The following IGSF23 variants were observed in gnomAD, a reference collection of about 807,000 sequenced individuals.
IGSF23 encodes immunoglobulin superfamily, member 23.
A neutral mutation model predicts 17.8 loss-of-function variants in IGSF23; 14 were observed. That is an observed-to-expected ratio of 0.79 (90% CI 0.52 to 1.23). IGSF23 has a LOEUF of 1.23. Ranked by LOEUF, IGSF23 falls within the 50% of genes most tolerant of loss-of-function variation. IGSF23 has a pLI of 0.00. For synonymous variants in IGSF23, 85 were observed against 92.5 expected (o/e 0.92, Z 0.46); for missense variants, 214 against 241.7 (o/e 0.89, Z 0.76).
At position 44,635,013 on chromosome 19, in the gene IGSF23, G is replaced by C. The variant is rs186183771; in HGVS notation, c.546-388G>C. On this transcript the variant is annotated intron_variant, in intron 3 of 4. Transcript: ENST00000402988. ...TAACAAAAATGCTACAGACCGGGGG[G>C]GCTTAAACAACAAAAATTTATTTTC... Among the ~76,000 whole-genome samples, 6 of 152,108 alleles carry C rather than the reference G, an allele frequency of 3.9e-5. No homozygotes were observed. The East Asian group carries it at 7.7e-4, about 20-fold the overall frequency.
chr19:44,618,240 G>A (rs200692622), intron 1 of IGSF23: 15 of 469,706 alleles, frequency 3.2e-5, no homozygotes, highest in Non-Finnish European at 6.2e-5. Flanking sequence ...CCAGCCAGCA[G>A]CCATGATATT....
At chr19:44,631,998 G>A (rs1490348362) in intron 3 of IGSF23, among the ~76,000 whole-genome samples, 1 of 152,184 alleles carries the variant, frequency 6.6e-6, no homozygotes, top group Non-Finnish European at 1.5e-5. Flanking sequence ...GCCTGTTGGT[G>A]CAATTTAAGC....
intron 3 of IGSF23, among the ~76,000 whole-genome samples, chr19:44,631,494 A>G (rs1460160011): frequency 6.6e-6 from 1 of 152,202 alleles, no homozygotes; most frequent in Non-Finnish European, 1.5e-5. Flanking sequence ...AGGCTGAGGC[A>G]GGAGAATCAT....
rs1972891948 is a variant in IGSF23 at position 44,636,511 on chromosome 19, A to C, written c.*124A>C. 1 of 152,202 alleles carries C rather than the reference A, an allele frequency of 6.6e-6. No individual in the cohort carries two copies. The highest frequency in any genetic ancestry group is 1.5e-5 in the Non-Finnish European group (1 of 68,044). 9.4% of individuals were successfully genotyped at this position (152,202 alleles called of 1,614,324 possible). A position where few individuals can be genotyped will look rare whatever the true frequency, so the allele number is the denominator to read the frequency against. On this transcript the variant is annotated 3_prime_UTR_variant, in exon 5 of 5. Transcript: ENST00000402988. ...CATCTCTGTTCAAGGGAACAACCCA[A>C]CGTAACCAGACTCCCTTTGCCCTGT...
chr19:44,621,155 C>T (rs564867029), intron 1 of IGSF23, among the ~76,000 whole-genome samples: 7 of 151,646 alleles, frequency 4.6e-5, no homozygotes, highest in Admixed American at 2.6e-4. Context: ...TGGTGATGTG[C>T]GCCCATAGTC....
intron 4 of IGSF23, 128 bp downstream of exon 4, chr19:44,635,593 C>A: frequency 1.6e-6 from 1 of 628,600 alleles, no homozygotes; most frequent in Non-Finnish European, 2.7e-6. Flanking sequence ...TGTTCCCCTC[C>A]TGTGGAGAGC....
chr19:44,624,185 T>C (rs181113319), intron 2 of IGSF23, among the ~76,000 whole-genome samples: 1 of 152,180 alleles, frequency 6.6e-6, no homozygotes, highest in East Asian at 1.9e-4. Flanking sequence ...CTCTTCTTCT[T>C]CTTTTCTTTC....
Position 44,635,411 on chromosome 19 carries a change from C to G in IGSF23, c.556C>G (p.Gln186Glu), listed in dbSNP as rs777533879. Residue 186 changes from glutamine to glutamate, a missense_variant, in exon 4 of 5, where the codon CAG becomes GAG. By Grantham distance (29) the Gln-to-Glu change is conservative (BLOSUM62 2). Coordinates refer to ENST00000402988, the MANE Select transcript of IGSF23 (RefSeq NM_001205280.2). Reference protein sequence around the residue: ...IIIQSLRTDRQRIGICS With the variant: ...IIIQSLRTDRERIGICS ...CTCTCTCCACTGCAGGACTGACAGG[C>G]AGAGAATAGGAATATGCAGCTGAAA... The G allele has an allele frequency of 1.5e-4, 228 of 1,547,458 alleles. No homozygotes were observed. Among genetic ancestry groups the G allele is most frequent in the Non-Finnish European group, 2.0e-4 (225 of 1,145,328 alleles).
At chr19:44,616,357 T>C (rs886661813) in intron 1 of IGSF23, among the ~76,000 whole-genome samples, 1 of 152,216 alleles carries the variant, frequency 6.6e-6, no homozygotes, top group African/African-American at 2.4e-5. Flanking sequence ...TTGTTTTTTG[T>C]GATGCCTTGT....
At chr19:44,631,892 G>A (rs113814664) in intron 3 of IGSF23, among the ~76,000 whole-genome samples, 4,744 of 152,292 alleles carry the variant, frequency 0.031, 266 homozygotes, top group African/African-American at 0.11. Flanking sequence ...ACCTTCCAGC[G>A]TGGGCGTCAT....
In IGSF23 at chr19:44,623,877, G is replaced by C; in HGVS notation, c.296G>C (p.Arg99Pro). The C allele has an allele frequency of 1.3e-6, 2 of 1,550,840 alleles. No homozygotes were observed. Among genetic ancestry groups the C allele is most frequent in the Non-Finnish European group, 8.7e-7 (1 of 1,147,048 alleles). ...PCGMGEKLFI[R>P]RLSCEQLGTY... ...GGGATGGGAGAGAAGCTGTTCATCC[G>C]ACGGTTGTCCTGTGAGCAGCTGGGC... The change falls in exon 2 of 5, where the codon CGA becomes CCA. Residue 99 changes from arginine to proline, a missense_variant. Physicochemically the swap from Arg to Pro is moderately radical, Grantham distance 103 (BLOSUM62 -2). Coordinates refer to ENST00000402988, the MANE Select transcript of IGSF23 (RefSeq NM_001205280.2).
Position 44,623,766 on chromosome 19 carries a change from A to G in IGSF23, c.185A>G (p.Glu62Gly). The G allele has an allele frequency of 6.4e-7, 1 of 1,551,066 alleles. No individual in the cohort carries two copies. The highest frequency in any genetic ancestry group is 8.7e-7 in the Non-Finnish European group (1 of 1,147,094). The change falls in exon 2 of 5, where the codon GAG becomes GGG. Residue 62 changes from glutamate to glycine, a missense_variant. Glu to Gly is a moderately conservative substitution (Grantham distance 98, BLOSUM62 -2). Transcript: ENST00000402988. The stretch of plus-strand genomic sequence containing the variant: ...GCTATCCGGGGAGTCATCCAGAGTG[A>G]GCTCAACTATTCTGTGATCCTGCAG... ...PAAIRGVIQSELNYSVILQWV... is the reference protein window; with the variant it reads ...PAAIRGVIQSGLNYSVILQWV...
At position 44,623,936 on chromosome 19, in the gene IGSF23, C is replaced by T. The variant is rs1011864795; in HGVS notation, c.355C>T (p.Gln119Ter). The change falls in exon 2 of 5, where the codon CAG becomes TAG. Residue 119 changes from glutamine (Q) to a stop codon, truncating the protein, a stop_gained. Coordinates refer to ENST00000402988, the MANE Select transcript of IGSF23 (RefSeq NM_001205280.2). LOFTEE classifies it high-confidence loss of function. ...GTGCATAGCCACAAACAGCAAGAAA[C>T]AGCTGGTCTCTGAGCCTGTAACCAT... ...YMCIATNSKK[Q>*]LVSEPVTISL... The T allele has an allele frequency of 1.3e-6, 2 of 1,550,748 alleles. No individual in the cohort carries two copies. The highest frequency in any genetic ancestry group is 8.7e-7 in the Non-Finnish European group (1 of 1,147,034).
At chr19:44,614,627 T>A (rs1167866959) in intron 1 of IGSF23, among the ~76,000 whole-genome samples, 2 of 152,048 alleles carry the variant, frequency 1.3e-5, no homozygotes, top group Non-Finnish European at 2.9e-5. Context: ...AGATGAGGTC[T>A]TACTATGTTG....
chr19:44,625,891 T>C (rs1036035062), intron 2 of IGSF23, among the ~76,000 whole-genome samples: 1 of 152,070 alleles, frequency 6.6e-6, no homozygotes, highest in Admixed American at 6.6e-5. Context: ...AAAAGGCAGT[T>C]CCCCTGCACA....
intron 1 of IGSF23, among the ~76,000 whole-genome samples, chr19:44,623,466 T>G (rs763355608): frequency 1.4e-4 from 22 of 152,348 alleles, no homozygotes; most frequent in Non-Finnish European, 2.9e-5. Flanking sequence ...GAGTAGGCTT[T>G]GGCCACCAGT....
chr19:44,623,608 A>G (rs1972567978), intron 1 of IGSF23, 99 bp from the exon 2 acceptor site: 1 of 1,189,182 alleles, frequency 8.4e-7, no homozygotes, highest in African/African-American at 1.5e-5. Flanking sequence ...ATGAATGAAC[A>G]CATGAAAGAA....
At chr19:44,614,287 A>G (rs561173789) in intron 1 of IGSF23, among the ~76,000 whole-genome samples, 1 of 151,056 alleles carries the variant, frequency 6.6e-6, no homozygotes, top group Non-Finnish European at 1.5e-5. Context: ...GCCCCCTTCC[A>G]CCAGAATGCC....
intron 1 of IGSF23, among the ~76,000 whole-genome samples, chr19:44,618,497 T>C (rs903297303): frequency 2.0e-5 from 3 of 152,174 alleles, no homozygotes; most frequent in Non-Finnish European, 4.4e-5. Context: ...ACCAGGACAC[T>C]TTGCATGCTG....
Sources: allele counts gnomAD v4.1 joint callset (sites outside exome capture counted in the v4.1 genomes callset), GRCh38; gene constraint gnomAD v4.1.1; transcripts MANE v1.5; gene names NCBI Gene and HGNC (gene_info 2026-07-23, HGNC 2026-07-21).